MBOAT2: variants seen among roughly 807,000 people sequenced by gnomAD.
The protein encoded by MBOAT2 is membrane-bound glycerophospholipid O-acyltransferase 2.
MBOAT2 carries 28 observed loss-of-function variants against 63.4 expected under a neutral mutation model. The ratio of observed to expected loss-of-function variants is 0.44; its 90% CI spans 0.33 to 0.61. The LOEUF (loss-of-function observed/expected upper bound fraction) is 0.61. Among genes scored for constraint, MBOAT2 ranks in the 20% least tolerant of loss-of-function variants. The pLI is 0.03. For synonymous variants in MBOAT2, 211 were observed against 215.6 expected, an observed-to-expected ratio of 0.98 and a Z score of 0.19; for missense variants, 470 against 605.8, an observed-to-expected ratio of 0.78 and a Z score of 2.35.
Position 8,862,721 on chromosome 2 carries a change from C to G in MBOAT2, c.1054G>C (p.Val352Leu), listed in dbSNP as rs150340101. Residue 352 changes from valine (V) to leucine (L), a missense_variant and splice_region_variant, in exon 11 of 13, where the codon GTG (valine) becomes CTG (leucine). By Grantham distance (32) the Val-to-Leu change is conservative (BLOSUM62 1). Transcript: ENST00000305997. The surrounding 1 kb of genome is among the most constrained non-coding windows in gnomAD (Gnocchi z 4.3). ...NIQTALWLKRVCYERTSFSPT... is the reference protein window; with the variant it reads ...NIQTALWLKRLCYERTSFSPT... ...CTGAAGGAGGTTCGTTCATAACACA[C>G]CCTAGAAACCATGAAAAACATGGAG... 4.8e-5 allele frequency: 77 copies of G among 1,605,774 alleles called. No homozygotes were observed. In the African/African-American group the frequency reaches 9.5e-4, roughly 20 times the overall value.
At chr2:9,002,526 A>G (rs1320325349) in intron 1 of MBOAT2, among the ~76,000 whole-genome samples, 1 of 152,216 alleles carries the variant, frequency 6.6e-6, no homozygotes, top group African/African-American at 2.4e-5. Flanking sequence ...TTCCAGGTTA[A>G]GTACACTTGA....
chr2:8,897,655 C>G (rs1235503823), intron 4 of MBOAT2, among the ~76,000 whole-genome samples: 1 of 152,086 alleles, frequency 6.6e-6, no homozygotes, highest in Non-Finnish European at 1.5e-5. Context: ...ATGGCATAAC[C>G]TGCCCTTCAT....
At chr2:8,954,009 C>G (rs532870936) in intron 2 of MBOAT2, among the ~76,000 whole-genome samples, 21 of 152,336 alleles carry the variant, frequency 1.4e-4, no homozygotes, top group African/African-American at 5.1e-4. Flanking sequence ...AATTCTTGCA[C>G]TGGTTCTAGA....
rs1271451653 is a variant in MBOAT2, at chr2:8,857,502, T to G, written c.*1177A>C. The G allele has an allele frequency of 6.6e-6, 1 of 152,226 alleles. No homozygotes were observed. Among genetic ancestry groups the G allele is most frequent in the Non-Finnish European group, 1.5e-5 (1 of 68,048 alleles). The allele number at this position is 152,226 out of a possible 1,614,324, so 9.4% of individuals were successfully genotyped here. A position where few individuals can be genotyped will look rare whatever the true frequency, so the allele number is the denominator to read the frequency against. On this transcript the variant is annotated 3_prime_UTR_variant, in exon 13 of 13. Coordinates refer to ENST00000305997, the MANE Select transcript of MBOAT2 (RefSeq NM_138799.4). ...ATTTTAGTAAGAGTTCACAGCAAAA[T>G]TTTAATGTGAGAAGAGTTTGAAACT... is the stretch of plus-strand genomic sequence containing the variant.
chr2:8,925,991 G>A (rs1220557477), intron 3 of MBOAT2, among the ~76,000 whole-genome samples: 1 of 152,226 alleles, frequency 6.6e-6, no homozygotes, highest in Non-Finnish European at 1.5e-5. Context: ...TACAAAAGAG[G>A]AGTGTAGAGA....
chr2:8,935,371 G>T lies in MBOAT2; in HGVS notation c.299+7816C>A, dbSNP rs541111839. Among the ~76,000 whole-genome samples the T allele has an allele frequency of 1.4e-3, 217 of 152,332 alleles. 1 individual carries two copies. The highest frequency in any genetic ancestry group is 3.4e-3 in the Middle Eastern group (1 of 294). ...AATACAACAGATAACTTCACTTACT[G>T]AGCTCCTATCATCTGCATGCTCAAC... On this transcript the variant is annotated intron_variant, in intron 3 of 12. Transcript: ENST00000305997.
At chr2:8,876,670 G>T (rs1291085974) in intron 7 of MBOAT2, among the ~76,000 whole-genome samples, 1 of 151,522 alleles carries the variant, frequency 6.6e-6, no homozygotes, top group African/African-American at 2.4e-5. Flanking sequence ...CAAGGCATAG[G>T]TAAGAAAGAA....
chr2:8,853,600 G>C lies in MBOAT2; in HGVS notation c.*5079C>G, dbSNP rs992359291. The C allele has an allele frequency of 6.6e-6, 1 of 152,144 alleles. No homozygotes were observed. The highest frequency in any genetic ancestry group is 2.4e-5 in the African/African-American group (1 of 41,436). The allele number at this position is 152,144 out of a possible 1,614,324, so 9.4% of individuals were successfully genotyped here. ...CTAGTCATTTTACTTATGTTGCTCTGTAACTTTTGGTTTTTCACTGTAGCA... is the reference window on the plus strand; with the variant it reads ...CTAGTCATTTTACTTATGTTGCTCTCTAACTTTTGGTTTTTCACTGTAGCA... On this transcript the variant is annotated 3_prime_UTR_variant, in exon 13 of 13. Coordinates refer to ENST00000305997, the MANE Select transcript of MBOAT2 (RefSeq NM_138799.4).
chr2:8,989,661 T>C (rs1045582822), intron 1 of MBOAT2, among the ~76,000 whole-genome samples: 17 of 152,192 alleles, frequency 1.1e-4, no homozygotes. Flanking sequence ...TCCAATTCTC[T>C]GAAAGGTAAC....
At chr2:8,946,458 C>T (rs150656895) in intron 2 of MBOAT2, among the ~76,000 whole-genome samples, 4 of 152,222 alleles carry the variant, frequency 2.6e-5, no homozygotes, top group East Asian at 3.9e-4. Flanking sequence ...AGCAGGTAAA[C>T]GATCAGTTAC....
At chr2:8,978,228 C>T (rs1006781167) in intron 1 of MBOAT2, among the ~76,000 whole-genome samples, 8 of 152,088 alleles carry the variant, frequency 5.3e-5, no homozygotes, top group Non-Finnish European at 7.4e-5. Context: ...CTCCAACACA[C>T]TCAACTCACT....
intron 3 of MBOAT2, among the ~76,000 whole-genome samples, chr2:8,912,405 AAG>A (rs1253195393): frequency 3.4e-5 from 5 of 149,246 alleles, no homozygotes; most frequent in Non-Finnish European, 7.4e-5. Flanking sequence ...GAAAGAAAGA[AAG>A]AAAGAAAGAC....
intron 8 of MBOAT2, among the ~76,000 whole-genome samples, chr2:8,869,143 C>T (rs1385989181): frequency 6.6e-6 from 1 of 151,830 alleles, no homozygotes; most frequent in Non-Finnish European, 1.5e-5. Context: ...AACTCTTGGG[C>T]TCAAGCAATC....
rs569423911 is a variant in MBOAT2 at position 8,860,789 on chromosome 2, T to C, written c.1186-25A>G. ...TCTGAAATAAAGAAACAAAAACATT[T>C]GCTGTATCTTTAAATTAACATTACT... On this transcript the variant is annotated intron_variant, in intron 11 of 12. Coordinates refer to ENST00000305997, the MANE Select transcript of MBOAT2 (RefSeq NM_138799.4). The C allele has an allele frequency of 4.4e-5, 67 of 1,526,598 alleles. 1 individual carries two copies. The highest frequency in any genetic ancestry group is 1.2e-4 in the South Asian group (10 of 85,154). 94.6% of individuals were successfully genotyped at this position (1,526,598 alleles called of 1,614,324 possible). A position where few individuals can be genotyped will look rare whatever the true frequency, so the allele number is the denominator to read the frequency against.
At chr2:8,935,979 C>T (rs1247369917) in intron 3 of MBOAT2, among the ~76,000 whole-genome samples, 2 of 152,208 alleles carry the variant, frequency 1.3e-5, no homozygotes, top group Non-Finnish European at 2.9e-5. Flanking sequence ...TGGCATCATT[C>T]TACTTAACAC....
intron 1 of MBOAT2, among the ~76,000 whole-genome samples, chr2:8,963,090 T>C (rs574170486): frequency 1.3e-5 from 2 of 151,926 alleles, no homozygotes; most frequent in East Asian, 3.9e-4. Flanking sequence ...AATACAAAAA[T>C]TAGCTGGGCA....
At chr2:8,982,499 T>C (rs1489692625) in intron 1 of MBOAT2, among the ~76,000 whole-genome samples, 1 of 152,206 alleles carries the variant, frequency 6.6e-6, no homozygotes, top group Non-Finnish European at 1.5e-5. Flanking sequence ...GTAATCACTT[T>C]TGGAAACCAC....
At chr2:8,981,100 T>C (rs1671163649) in intron 1 of MBOAT2, among the ~76,000 whole-genome samples, 1 of 152,132 alleles carries the variant, frequency 6.6e-6, no homozygotes, top group Admixed American at 6.5e-5. Flanking sequence ...AGACCACATA[T>C]TGTATGATTC....
chr2:8,852,747 A>G lies in MBOAT2; in HGVS notation c.*5932T>C, dbSNP rs1251972235. On this transcript the variant is annotated 3_prime_UTR_variant, in exon 13 of 13. Transcript: ENST00000305997. The stretch of plus-strand genomic sequence containing the variant: ...GACACACAAATTAGAAAAAAAAAAC[A>G]TGTCCTAAACATGTTACATGTAAGT... The G allele has an allele frequency of 6.6e-6, 1 of 151,882 alleles. No individual in the cohort carries two copies. Among genetic ancestry groups the G allele is most frequent in the African/African-American group, 2.4e-5 (1 of 41,232 alleles). The allele number at this position is 151,882 out of a possible 1,614,324, so 9.4% of individuals were successfully genotyped here. A position where few individuals can be genotyped will look rare whatever the true frequency, so the allele number is the denominator to read the frequency against.
Sources: gnomAD v4.1 joint callset for allele counts (sites outside exome capture counted in the v4.1 genomes callset) on GRCh38, gnomAD v4.1.1 for gene constraint, Gnocchi (gnomAD v3.1) non-coding constraint, MANE v1.5 for transcripts, NCBI Gene and HGNC (gene_info 2026-07-23, HGNC 2026-07-21) for gene names.